Variants in BICRAL observed in about 807,000 individuals in gnomAD.
BICRAL encodes BRD4-interacting chromatin-remodeling complex-associated protein-like.
In BICRAL, 8 loss-of-function variants were observed where a neutral mutation model predicts 91.8. That is an observed-to-expected ratio of 0.09 (90% confidence interval 0.05 to 0.16). The LOEUF (loss-of-function observed/expected upper bound fraction) is 0.16. Ranked by LOEUF, BICRAL falls within the 10% of genes least tolerant of loss-of-function variation. The pLI, the probability that BICRAL is intolerant of heterozygous loss-of-function variation, is 1.00. For synonymous variants in BICRAL, 445 were observed against 491.1 expected (o/e 0.91, Z 1.24); for missense variants, 1,038 against 1,310.9 (o/e 0.79, Z 3.21).
chr6:42,758,514 T>G (rs987239750), intron 1 of BICRAL, among the ~76,000 whole-genome samples: 3 of 152,210 alleles, frequency 2.0e-5, no homozygotes, highest in African/African-American at 7.2e-5. Context: ...GCAGGTGTAT[T>G]GGTGAACACA....
chr6:42,788,197 C>CCAAGACTA (rs1763158542), intron 1 of BICRAL, among the ~76,000 whole-genome samples: 1 of 150,530 alleles, frequency 6.6e-6, no homozygotes, highest in African/African-American at 2.4e-5. Context: ...AGAAGAGAGA[C>CCAAGACTA]CAAGACTACC....
At chr6:42,852,027 T>C (rs754402723) in intron 6 of BICRAL, 65 bp from the exon 7 acceptor site, 9 of 1,005,636 alleles carry the variant, frequency 8.9e-6, no homozygotes, top group Admixed American at 6.3e-5. Context: ...TTGGTTGGTA[T>C]TTAAAATAAT....
At chr6:42,845,813 C>T (rs902131665) in intron 6 of BICRAL, among the ~76,000 whole-genome samples, 1 of 151,364 alleles carries the variant, frequency 6.6e-6, no homozygotes, top group Non-Finnish European at 1.5e-5. Context: ...CTTATAATCC[C>T]AGCACTTTGG....
At chr6:42,779,259 CACACACACACACACAT>C (rs1762849389), upstream of BICRAL, among the ~76,000 whole-genome samples, 1 of 149,016 alleles carries the variant, frequency 6.7e-6, no homozygotes, top group South Asian at 2.1e-4. Context: ...CACACACACA[CACACACACACACACAT>C]ATCATTGGAG....
chr6:42,780,892 A>G (rs1320888591), upstream of BICRAL, among the ~76,000 whole-genome samples: 1 of 151,762 alleles, frequency 6.6e-6, no homozygotes, highest in East Asian at 1.9e-4. Context: ...GCCCACCACC[A>G]CGCCCAGCTA....
Position 42,857,072 on chromosome 6 carries a change from G to A in BICRAL, c.2109-19G>A, listed in dbSNP as rs368772544. 59 of 1,595,988 alleles carry A rather than the reference G, an allele frequency of 3.7e-5. No individual in the cohort carries two copies. Among genetic ancestry groups the A allele is most frequent in the Non-Finnish European group, 4.8e-5 (56 of 1,169,060 alleles). On this transcript the variant is annotated intron_variant, in intron 9 of 12. Transcript: ENST00000314073. ...CCTAACATGACTTTACATTGACATT[G>A]ACCATTTCCCTTGTAAAGCATTCTC...
chr6:42,812,967 C>T (rs915527186), intron 2 of BICRAL, among the ~76,000 whole-genome samples: 6 of 151,990 alleles, frequency 3.9e-5, no homozygotes, highest in African/African-American at 7.3e-5. Context: ...CCCAGGAGGT[C>T]GAGGCTGCAA....
chr6:42,755,874 G>A (rs181751947), intron 1 of BICRAL, among the ~76,000 whole-genome samples: 3 of 151,558 alleles, frequency 2.0e-5, no homozygotes, highest in Admixed American at 6.6e-5. Flanking sequence ...GGGTTTCACC[G>A]TGTTGCCCAG....
chr6:42,843,364 G>A (rs962948780), intron 6 of BICRAL, among the ~76,000 whole-genome samples: 1 of 152,126 alleles, frequency 6.6e-6, no homozygotes, highest in African/African-American at 2.4e-5. Context: ...GGTGCTGTGG[G>A]GAAAGGAAAA....
At chr6:42,818,132 G>A (rs1286328683) in intron 2 of BICRAL, among the ~76,000 whole-genome samples, 1 of 152,094 alleles carries the variant, frequency 6.6e-6, no homozygotes, top group Non-Finnish European at 1.5e-5. Flanking sequence ...GTGTATAAAA[G>A]TTCCTATTTC....
intron 7 of BICRAL, among the ~76,000 whole-genome samples, chr6:42,852,661 CA>C (rs70990155): frequency 2.2e-3 from 145 of 66,054 alleles, no homozygotes; most frequent in Non-Finnish European, 2.8e-3. Flanking sequence ...GACTCTGTCT[CA>C]AAAAAAAAAA....
intron 1 of BICRAL, among the ~76,000 whole-genome samples, chr6:42,807,688 C>A (rs1401106393): frequency 1.3e-5 from 2 of 151,448 alleles, no homozygotes; most frequent in East Asian, 3.9e-4. Flanking sequence ...TGCTTGTAGT[C>A]CCAGCTACTC....
chr6:42,840,246 TG>T (rs1467508922), intron 6 of BICRAL, among the ~76,000 whole-genome samples: 69 of 151,938 alleles, frequency 4.5e-4, no homozygotes, highest in African/African-American at 1.5e-3. Flanking sequence ...TTTGTTTGTT[TG>T]TTTGTTTGTT....
chr6:42,855,734 C>T, intron 8 of BICRAL, 122 bp from the exon 9 acceptor site: 1 of 714,862 alleles, frequency 1.4e-6, no homozygotes, highest in Non-Finnish European at 2.4e-6. Flanking sequence ...AGGGCACATT[C>T]TGTAGTCTTA....
intron 12 of BICRAL, among the ~76,000 whole-genome samples, chr6:42,863,445 T>G (rs921673593): frequency 6.6e-6 from 1 of 152,210 alleles, no homozygotes; most frequent in African/African-American, 2.4e-5. Flanking sequence ...TCCTTCCATA[T>G]CATTTTGGAT....
intron 1 of BICRAL, among the ~76,000 whole-genome samples, chr6:42,771,011 T>C (rs9381218): frequency 0.42 from 64,417 of 152,080 alleles, 13,936 homozygotes; most frequent in Admixed American, 0.47. Context: ...TTGCCTACTC[T>C]GTCCTCCGAC....
chr6:42,781,592 G>GT (rs1762908098), upstream of BICRAL, among the ~76,000 whole-genome samples: 2 of 116,724 alleles, frequency 1.7e-5, no homozygotes, highest in African/African-American at 6.8e-5. Flanking sequence ...TGGGTGGGTG[G>GT]GTGGGTGTGT....
intron 1 of BICRAL, among the ~76,000 whole-genome samples, chr6:42,762,805 G>A (rs1208021512): frequency 1.3e-5 from 2 of 152,034 alleles, no homozygotes; most frequent in African/African-American, 4.8e-5. Context: ...GTACACGCCT[G>A]TAGTCCCAGC....
chr6:42,862,574 C>T lies in BICRAL; in HGVS notation c.2414C>T (p.Ser805Phe). ...DRMFNQEERA[S>F]LSRDKRLALV... The stretch of plus-strand genomic sequence containing the variant: ...ATGTTCAACCAGGAGGAAAGAGCTT[C>T]CCTGTCCCGAGACAAGCGTTTGGCA... Residue 805 changes from serine (S) to phenylalanine (F), a missense_variant, in exon 12 of 13, where the codon TCC becomes TTC. This residue lies in a region of BICRAL where 294 missense variants were observed against 292.6 expected (regional missense o/e 1.00). Coordinates refer to ENST00000314073, the MANE Select transcript of BICRAL (RefSeq NM_001393499.1). 1 of 1,611,624 alleles carries T rather than the reference C, an allele frequency of 6.2e-7. No homozygotes were observed. Among genetic ancestry groups the T allele is most frequent in the South Asian group, 1.1e-5 (1 of 90,984 alleles).
Sources: gnomAD v4.1 joint callset for allele counts (sites outside exome capture counted in the v4.1 genomes callset) on GRCh38, gnomAD v4.1.1 for gene constraint, gnomAD v4.1.1 regional missense constraint, MANE v1.5 for transcripts, NCBI Gene and HGNC (gene_info 2026-07-23, HGNC 2026-07-21) for gene names.